GRID1: variants seen among roughly 807,000 people sequenced by gnomAD.
GRID1 encodes glutamate receptor ionotropic, delta-1.
In GRID1, 28 loss-of-function variants were observed where a neutral mutation model predicts 98.0. That is an observed-to-expected ratio of 0.29 (90% CI 0.21 to 0.39). The LOEUF is 0.39. Ranked by LOEUF, GRID1 falls within the 10% of genes least tolerant of loss-of-function variation. The pLI is 1.00. For synonymous variants in GRID1, 553 were observed against 538.5 expected (o/e 1.03, Z -0.37); for missense variants, 1,111 against 1,340.5 (o/e 0.83, Z 2.67).
chr10:86,347,733 T>C (rs1337774266), intron 2 of GRID1, among the ~76,000 whole-genome samples: 1 of 152,226 alleles, frequency 6.6e-6, no homozygotes, highest in African/African-American at 2.4e-5. Context: ...TTCTATTACA[T>C]GGCCTAATAA....
At chr10:85,824,304 C>G (rs1285021862) in intron 8 of GRID1, among the ~76,000 whole-genome samples, 3 of 152,112 alleles carry the variant, frequency 2.0e-5, no homozygotes, top group African/African-American at 4.8e-5. Flanking sequence ...CTCCACCTCC[C>G]GGGTTCAAGT....
At chr10:86,264,812 C>A in intron 2 of GRID1, 1 of 471,522 alleles carries the variant, frequency 2.1e-6, no homozygotes, top group Admixed American at 2.3e-5. Context: ...TCTGTGTCAC[C>A]GCCGCCCCTT....
chr10:86,349,893 C>T (rs1848439341), intron 2 of GRID1, among the ~76,000 whole-genome samples: 1 of 152,218 alleles, frequency 6.6e-6, no homozygotes, highest in Admixed American at 6.5e-5. Flanking sequence ...CCTCACAAAC[C>T]TGATGGCCCT....
intron 12 of GRID1, among the ~76,000 whole-genome samples, chr10:85,709,807 C>A (rs576644258): frequency 6.6e-6 from 1 of 152,052 alleles, no homozygotes; most frequent in Non-Finnish European, 1.5e-5. Context: ...GGAATATAGA[C>A]CATAGCTAAA....
chr10:85,681,440 G>A (rs1841207467), intron 12 of GRID1, among the ~76,000 whole-genome samples: 1 of 152,124 alleles, frequency 6.6e-6, no homozygotes, highest in South Asian at 2.1e-4. Flanking sequence ...GAAAAGTTAG[G>A]TTGCCCAAAG....
At chr10:85,830,095 T>A (rs1352461871) in intron 8 of GRID1, among the ~76,000 whole-genome samples, 2 of 152,098 alleles carry the variant, frequency 1.3e-5, no homozygotes, top group Non-Finnish European at 2.9e-5. Context: ...AGCATGGTAC[T>A]CAAACAAAAA....
chr10:85,877,622 C>T (rs1439219641), intron 5 of GRID1, among the ~76,000 whole-genome samples: 3 of 151,778 alleles, frequency 2.0e-5, no homozygotes, highest in Non-Finnish European at 4.4e-5. Flanking sequence ...CCCATCTGTA[C>T]GTCACCATCA....
intron 3 of GRID1, among the ~76,000 whole-genome samples, chr10:86,157,116 C>T (rs763295227): frequency 7.2e-5 from 11 of 152,070 alleles, no homozygotes; most frequent in South Asian, 2.1e-4. Context: ...AGTGAATCCA[C>T]GAAACAGAGA....
At position 86,366,236 on chromosome 10, in the gene GRID1, G is replaced by T; in HGVS notation, c.79+78C>A. On this transcript the variant is annotated intron_variant, in intron 1 of 15. Transcript: ENST00000327946. The surrounding 1 kb of genome is among the most constrained non-coding windows in gnomAD (Gnocchi z 4.1). ...GCCGAGCCCCTCGGCCCAGGGAAAC[G>T]CCAAGTTTGGACGCCGCGCACCCCC... is the stretch of plus-strand genomic sequence containing the variant. 9.4e-7 allele frequency: 1 copy of T among 1,058,470 alleles called. No individual in the cohort carries two copies. The highest frequency in any genetic ancestry group is 1.3e-6 in the Non-Finnish European group (1 of 760,850). 65.6% of individuals were successfully genotyped at this position (1,058,470 alleles called of 1,614,324 possible). A position where few individuals can be genotyped will look rare whatever the true frequency, so the allele number is the denominator to read the frequency against.
intron 3 of GRID1, among the ~76,000 whole-genome samples, chr10:86,158,182 G>C (rs544036653): frequency 7.1e-4 from 108 of 152,266 alleles, no homozygotes; most frequent in African/African-American, 2.5e-3. Flanking sequence ...AGAGGGGAAG[G>C]GCCTGGCCCT....
At chr10:86,292,408 A>C (rs1589439189) in intron 2 of GRID1, among the ~76,000 whole-genome samples, 1 of 152,252 alleles carries the variant, frequency 6.6e-6, no homozygotes, top group East Asian at 1.9e-4. Context: ...CCCTGCAGCC[A>C]CATGCCCTAG....
At chr10:85,752,459 A>G (rs1842057295) in intron 8 of GRID1, among the ~76,000 whole-genome samples, 1 of 152,218 alleles carries the variant, frequency 6.6e-6, no homozygotes, top group Non-Finnish European at 1.5e-5. Flanking sequence ...CATATTGTGT[A>G]TATTACAAAA....
chr10:85,768,139 T>C (rs1842215278), intron 8 of GRID1, among the ~76,000 whole-genome samples: 1 of 152,230 alleles, frequency 6.6e-6, no homozygotes, highest in Non-Finnish European at 1.5e-5. Context: ...GAGAATGTTT[T>C]TTCCATGACC....
At chr10:86,345,410 G>A (rs968002272) in intron 2 of GRID1, among the ~76,000 whole-genome samples, 1 of 152,204 alleles carries the variant, frequency 6.6e-6, no homozygotes, top group Non-Finnish European at 1.5e-5. Flanking sequence ...TTCCCATCCA[G>A]GGAGAAGCCA....
At chr10:85,695,687 C>A (rs1223222191) in intron 12 of GRID1, among the ~76,000 whole-genome samples, 1 of 152,104 alleles carries the variant, frequency 6.6e-6, no homozygotes, top group Non-Finnish European at 1.5e-5. Flanking sequence ...CAACGCTTTG[C>A]CCAGTAGGAT....
chr10:85,753,959 C>G (rs189503324), intron 8 of GRID1, among the ~76,000 whole-genome samples: 1 of 152,342 alleles, frequency 6.6e-6, no homozygotes, highest in East Asian at 1.9e-4. Flanking sequence ...AGCCATTCCC[C>G]TATAAGCACC....
intron 12 of GRID1, among the ~76,000 whole-genome samples, chr10:85,665,186 T>G (rs1841005516): frequency 6.6e-6 from 1 of 152,122 alleles, no homozygotes; most frequent in South Asian, 2.1e-4. Context: ...ATATTCCAGT[T>G]TCCTTTCCAC....
At chr10:86,202,908 C>T (rs1845974028) in intron 3 of GRID1, among the ~76,000 whole-genome samples, 2 of 152,228 alleles carry the variant, frequency 1.3e-5, no homozygotes, top group African/African-American at 4.8e-5. Context: ...CAAACTACCT[C>T]CCTCTTTCTT....
At chr10:85,620,583 C>G (rs1465689435) in intron 13 of GRID1, among the ~76,000 whole-genome samples, 2 of 152,162 alleles carry the variant, frequency 1.3e-5, no homozygotes, top group Non-Finnish European at 2.9e-5. Flanking sequence ...TAATATCAAG[C>G]ACAAGCACAT....
Sources: gnomAD v4.1 joint callset for allele counts (sites outside exome capture counted in the v4.1 genomes callset) on GRCh38, gnomAD v4.1.1 for gene constraint, Gnocchi (gnomAD v3.1) non-coding constraint, MANE v1.5 for transcripts, NCBI Gene and HGNC (gene_info 2026-07-23, HGNC 2026-07-21) for gene names.